The following ATP8B4 variants were observed in gnomAD, a reference collection of about 807,000 sequenced individuals.
ATP8B4 encodes the protein ATPase phospholipid transporting 8B4 (putative).
Under a neutral mutation model 145.6 loss-of-function variants are expected in ATP8B4, and 133 were observed. That is an observed-to-expected ratio of 0.91 (90% CI 0.79 to 1.05). The LOEUF (loss-of-function observed/expected upper bound fraction) is 1.05. ATP8B4 is among the 50% of genes least tolerant of loss of function. The pLI is 0.00. For missense variants in ATP8B4, 1,458 were observed against 1,425.2 expected, an observed-to-expected ratio of 1.02 and a Z score of -0.37; for synonymous variants, 507 against 492.9, an observed-to-expected ratio of 1.03 and a Z score of -0.38.
At chr15:50,179,965 AG>A (rs1005498902) in intron 1 of ATP8B4, among the ~76,000 whole-genome samples, 16 of 152,356 alleles carry the variant, frequency 1.1e-4, no homozygotes, top group African/African-American at 3.6e-4. Flanking sequence ...GGGACTCCCA[AG>A]GTATATATTA....
intron 6 of ATP8B4, among the ~76,000 whole-genome samples, chr15:50,024,528 T>A (rs151155959): frequency 6.6e-6 from 1 of 152,122 alleles, no homozygotes; most frequent in Non-Finnish European, 1.5e-5. Flanking sequence ...AGAACATAAA[T>A]GCCTGGAAAG....
chr15:49,922,339 T>C (rs1251446593), intron 17 of ATP8B4: 1 of 412,950 alleles, frequency 2.4e-6, no homozygotes, highest in Non-Finnish European at 4.7e-6. Context: ...GTAACGGCAA[T>C]AAGTCAGACA....
chr15:50,074,062 A>G, intron 3 of ATP8B4, 65 bp downstream of exon 3: 1 of 1,418,392 alleles, frequency 7.1e-7, no homozygotes, highest in Non-Finnish European at 9.8e-7. Context: ...TCTAGAAGAC[A>G]TGCATCCCAC....
At chr15:50,177,589 T>A (rs1333748320) in intron 1 of ATP8B4, among the ~76,000 whole-genome samples, 2 of 152,138 alleles carry the variant, frequency 1.3e-5, no homozygotes, top group African/African-American at 4.8e-5. Context: ...GGAGCTAGGG[T>A]AGGATCCTCC....
chr15:50,096,539 T>G (rs1179295746), intron 2 of ATP8B4, among the ~76,000 whole-genome samples: 1 of 152,190 alleles, frequency 6.6e-6, no homozygotes, highest in Non-Finnish European at 1.5e-5. Flanking sequence ...TAGTGTATCC[T>G]GTCCGAGAAA....
intron 6 of ATP8B4, among the ~76,000 whole-genome samples, chr15:50,018,570 C>T (rs2049283713): frequency 6.6e-6 from 1 of 152,218 alleles, no homozygotes. Flanking sequence ...AGAATACCTG[C>T]ACTTCAGAAT....
At chr15:49,996,229 G>A (rs984614769) in intron 9 of ATP8B4, among the ~76,000 whole-genome samples, 58 of 152,158 alleles carry the variant, frequency 3.8e-4, no homozygotes, top group African/African-American at 1.3e-3. Flanking sequence ...GCTAAGCGCC[G>A]TGCAAGGTAC....
At chr15:49,987,636 C>T in intron 9 of ATP8B4, 87 bp from the exon 10 acceptor site, 1 of 1,382,054 alleles carries the variant, frequency 7.2e-7, no homozygotes, top group African/African-American at 1.4e-5. Context: ...ACCACTGTTT[C>T]CCTCTCCTTT....
intron 7 of ATP8B4, among the ~76,000 whole-genome samples, chr15:50,004,666 G>A (rs1032867139): frequency 3.3e-5 from 5 of 152,148 alleles, no homozygotes; most frequent in African/African-American, 9.7e-5. Context: ...ATCCTGTAAC[G>A]CAGGTCTTAT....
chr15:50,018,211 C>A (rs1432919902), intron 6 of ATP8B4, among the ~76,000 whole-genome samples: 1 of 152,178 alleles, frequency 6.6e-6, no homozygotes, highest in Non-Finnish European at 1.5e-5. Context: ...TGGTCTTGAA[C>A]TCCTGGCCTC....
intron 6 of ATP8B4, among the ~76,000 whole-genome samples, chr15:50,026,463 C>A (rs1599885017): frequency 6.6e-6 from 1 of 152,180 alleles, no homozygotes. Flanking sequence ...GGTCCTCAGA[C>A]CTCATGTGCA....
intron 14 of ATP8B4, among the ~76,000 whole-genome samples, chr15:49,958,769 C>T (rs1039427667): frequency 6.6e-6 from 1 of 151,728 alleles, no homozygotes; most frequent in Non-Finnish European, 1.5e-5. Flanking sequence ...CCAAATCACT[C>T]CAAAAGAGAT....
Position 50,010,935 on chromosome 15 carries a change from A to G in ATP8B4, c.363-18T>C. ...TCTGCAGTCTAAAAACAAAAATAAA[A>G]TTAATTTTCTTCAAGAATGAAGAAT... On this transcript the variant is annotated intron_variant, in intron 6 of 27. Coordinates refer to ENST00000284509, the MANE Select transcript of ATP8B4 (RefSeq NM_024837.4). 6.7e-7 allele frequency: 1 copy of G among 1,486,320 alleles called. No homozygotes were observed. 92.1% of individuals were successfully genotyped at this position (1,486,320 alleles called of 1,614,324 possible). A position where few individuals can be genotyped will look rare whatever the true frequency, so the allele number is the denominator to read the frequency against.
intron 23 of ATP8B4, among the ~76,000 whole-genome samples, chr15:49,893,527 T>G (rs900856946): frequency 6.6e-6 from 1 of 152,200 alleles, no homozygotes; most frequent in African/African-American, 2.4e-5. Context: ...GAGGACACTA[T>G]GCTAAGTGAA....
chr15:50,117,780 TA>T (rs768759966), intron 1 of ATP8B4, among the ~76,000 whole-genome samples: 2 of 152,202 alleles, frequency 1.3e-5, no homozygotes, highest in Non-Finnish European at 2.9e-5. Context: ...ATAAAATTTT[TA>T]AATGTGGTAT....
chr15:49,931,340 G>T, intron 15 of ATP8B4, 33 bp from the exon 16 acceptor site: 2 of 1,576,990 alleles, frequency 1.3e-6, no homozygotes, highest in South Asian at 2.3e-5. Context: ...TATCAATACT[G>T]ACTAACAGCT....
intron 14 of ATP8B4, among the ~76,000 whole-genome samples, chr15:49,950,607 CA>C (rs1489232447): frequency 3.1e-5 from 3 of 96,430 alleles, no homozygotes; most frequent in African/African-American, 1.1e-4. Context: ...AAAAAACAAA[CA>C]AACAAACAAA....
At chr15:50,169,555 T>C (rs534876801) in intron 1 of ATP8B4, among the ~76,000 whole-genome samples, 1 of 152,336 alleles carries the variant, frequency 6.6e-6, no homozygotes, top group East Asian at 1.9e-4. Context: ...ACCTTCCCTC[T>C]GACAGAGCCT....
intron 14 of ATP8B4, among the ~76,000 whole-genome samples, chr15:49,950,821 T>C (rs377160040): frequency 2.6e-5 from 4 of 152,304 alleles, no homozygotes; most frequent in Admixed American, 1.3e-4. Context: ...TTTCTAGCTT[T>C]CTGATGTGGG....
Sources: allele counts gnomAD v4.1 joint callset (sites outside exome capture counted in the v4.1 genomes callset), GRCh38; gene constraint gnomAD v4.1.1; transcripts MANE v1.5; gene names NCBI Gene and HGNC (gene_info 2026-07-23, HGNC 2026-07-21).